Variants in SASH1 observed in about 807,000 individuals in gnomAD.
SASH1 encodes the protein SAM and SH3 domain-containing protein 1.
A neutral mutation model predicts 125.2 loss-of-function variants in SASH1; 44 were observed. The ratio of observed to expected loss-of-function variants is 0.35; its 90% CI spans 0.28 to 0.45. SASH1 has a LOEUF of 0.45. Among genes scored for constraint, SASH1 ranks in the 20% least tolerant of loss-of-function variants. The probability of loss-of-function intolerance (pLI) is 1.00; values close to 1 mark genes in which losing one functional copy is unlikely to be tolerated. For synonymous variants in SASH1, 639 were observed against 649.1 expected (o/e 0.98, Z 0.24); for missense variants, 1,426 against 1,614.5 (o/e 0.88, Z 2.00).
the SASH1 span, among the ~76,000 whole-genome samples, chr6:148,238,890 C>A: frequency 3.3e-5 from 5 of 152,080 alleles, no homozygotes; most frequent in Non-Finnish European, 7.4e-5. Context: ...AAAATAGCTC[C>A]CAAAAGTCAC....
chr6:148,507,113 C>T (rs1779842426), intron 8 of SASH1, among the ~76,000 whole-genome samples: 1 of 151,648 alleles, frequency 6.6e-6, no homozygotes, highest in East Asian at 1.9e-4. Context: ...GTGGTGAACC[C>T]TTGCAGGAGA....
intron 2 of SASH1, among the ~76,000 whole-genome samples, chr6:148,398,191 A>G (rs1368750205): frequency 6.6e-6 from 1 of 152,240 alleles, no homozygotes; most frequent in Non-Finnish European, 1.5e-5. Flanking sequence ...TCCTTGGATT[A>G]TTAATGATAT....
At chr6:148,440,284 T>A (rs1169083440) in intron 3 of SASH1, 50 bp downstream of exon 3, 3 of 1,604,376 alleles carry the variant, frequency 1.9e-6, no homozygotes, top group Admixed American at 1.7e-5. Context: ...CTTTTTTTTT[T>A]AAGTGACACT....
At chr6:148,390,074 T>C (rs1364293859) in intron 1 of SASH1, 60 bp from the exon 2 acceptor site, 4 of 1,598,224 alleles carry the variant, frequency 2.5e-6, no homozygotes, top group East Asian at 4.5e-5. Context: ...GGAGGTCCGA[T>C]GGCTGTGGGC....
chr6:148,503,967 A>C (rs1176479076), intron 8 of SASH1, among the ~76,000 whole-genome samples: 1 of 152,240 alleles, frequency 6.6e-6, no homozygotes, highest in Non-Finnish European at 1.5e-5. Flanking sequence ...GTGTAGTCAG[A>C]AACAATAAAT....
intron 2 of SASH1, among the ~76,000 whole-genome samples, chr6:148,421,205 GAAAGAA>G (rs1785082195): frequency 7.2e-6 from 1 of 138,934 alleles, no homozygotes; most frequent in African/African-American, 2.5e-5. Flanking sequence ...AAGAAAGAAA[GAAAGAA>G]AGAAAAAGAA....
At chr6:148,288,125 A>G (rs1239957593) in intron 1 of SASH1, among the ~76,000 whole-genome samples, 1 of 152,122 alleles carries the variant, frequency 6.6e-6, no homozygotes, top group Non-Finnish European at 1.5e-5. Context: ...TTTTGCAAGA[A>G]CAAGCACCAA....
the SASH1 span, among the ~76,000 whole-genome samples, chr6:148,201,126 T>C: frequency 3.1e-4 from 47 of 152,190 alleles, no homozygotes; most frequent in Non-Finnish European, 3.2e-4. Context: ...AGAGTGATAG[T>C]AGAAGGTTAC....
chr6:148,495,576 C>T lies in SASH1; in HGVS notation c.729+7861C>T, dbSNP rs1003850552. Among the ~76,000 whole-genome samples, 14 of 152,226 alleles carry T rather than the reference C, an allele frequency of 9.2e-5. No individual in the cohort carries two copies. The highest frequency in any genetic ancestry group is 3.1e-4 in the African/African-American group (13 of 41,540). On this transcript the variant is annotated intron_variant, in intron 8 of 19. Transcript: ENST00000367467. This position sits in a 1 kb window ranked among gnomAD's most constrained non-coding sequence, Gnocchi z 4.0. ...CATTAGCTTCATCATGTGGAAAAGTCTGACCGCAAAGATTTCTTTAATGGC... is the reference window on the plus strand; with the variant it reads ...CATTAGCTTCATCATGTGGAAAAGTTTGACCGCAAAGATTTCTTTAATGGC...
At chr6:148,201,627 G>A in the SASH1 span, among the ~76,000 whole-genome samples, 1 of 152,184 alleles carries the variant, frequency 6.6e-6, no homozygotes, top group Non-Finnish European at 1.5e-5. Context: ...TGGAACAGCT[G>A]CAGTAATCCA....
chr6:148,358,828 C>T (rs528661673), intron 1 of SASH1, among the ~76,000 whole-genome samples: 4 of 150,718 alleles, frequency 2.7e-5, no homozygotes, highest in South Asian at 4.2e-4. Context: ...CTCCGCCTCC[C>T]GGGTTCACGC....
intron 8 of SASH1, among the ~76,000 whole-genome samples, chr6:148,501,144 G>C (rs1273836055): frequency 6.6e-6 from 1 of 152,092 alleles, no homozygotes; most frequent in African/African-American, 2.4e-5. Flanking sequence ...GAATGGTCTT[G>C]GTGGTCCCAC....
At chr6:148,474,083 CTGT>C (rs763232870) in intron 6 of SASH1, 24 bp from the exon 7 acceptor site, 2 of 1,456,454 alleles carry the variant, frequency 1.4e-6, no homozygotes, top group South Asian at 1.2e-5. Flanking sequence ...GTTTTCACTC[CTGT>C]TGTTCTTTGT....
intron 1 of SASH1, among the ~76,000 whole-genome samples, chr6:148,387,112 C>T (rs1583063325): frequency 7.8e-6 from 1 of 128,800 alleles, no homozygotes; most frequent in Non-Finnish European, 1.6e-5. Context: ...TCCTTTCTTT[C>T]TTTTCTTTTT....
chr6:148,326,134 T>G (rs886990935), intron 1 of SASH1, among the ~76,000 whole-genome samples: 4 of 149,304 alleles, frequency 2.7e-5, no homozygotes, highest in Non-Finnish European at 5.9e-5. Flanking sequence ...TTCAAGCAAT[T>G]CTCCTGCCTC....
intron 6 of SASH1, among the ~76,000 whole-genome samples, chr6:148,473,563 T>C (rs1332562111): frequency 1.3e-5 from 2 of 152,224 alleles, no homozygotes; most frequent in South Asian, 2.1e-4. Context: ...GCACTTAGTT[T>C]TGAGGAATAA....
At chr6:148,348,869 GT>G (rs1781604080) in intron 1 of SASH1, among the ~76,000 whole-genome samples, 1 of 152,190 alleles carries the variant, frequency 6.6e-6, no homozygotes, top group African/African-American at 2.4e-5. Flanking sequence ...CAGCCCCACG[GT>G]CGCTGAGTAT....
chr6:148,323,322 T>A (rs1780704335), intron 1 of SASH1, among the ~76,000 whole-genome samples: 1 of 152,040 alleles, frequency 6.6e-6, no homozygotes, highest in Non-Finnish European at 1.5e-5. Context: ...GGTGGCTCTT[T>A]CAAAAAATAA....
chr6:148,410,844 C>A (rs1784593692), intron 2 of SASH1, among the ~76,000 whole-genome samples: 1 of 152,112 alleles, frequency 6.6e-6, no homozygotes, highest in African/African-American at 2.4e-5. Flanking sequence ...AATATAAAAG[C>A]TTTGCTCACA....
Sources: gnomAD v4.1 joint callset for allele counts (sites outside exome capture counted in the v4.1 genomes callset) on GRCh38, gnomAD v4.1.1 for gene constraint, Gnocchi (gnomAD v3.1) non-coding constraint, MANE v1.5 for transcripts, NCBI Gene and HGNC (gene_info 2026-07-23, HGNC 2026-07-21) for gene names.